Variants in CNTNAP2 observed in about 807,000 individuals in gnomAD.
The protein encoded by CNTNAP2 is contactin associated protein 2, also known as contactin-associated protein-like 2.
In CNTNAP2, 98 loss-of-function variants were observed where a neutral mutation model predicts 155.2. The ratio of observed to expected loss-of-function variants is 0.63; its 90% CI spans 0.54 to 0.75. CNTNAP2 has a LOEUF of 0.75. Ranked by LOEUF, CNTNAP2 falls within the 30% of genes least tolerant of loss-of-function variation. The probability of loss-of-function intolerance (pLI) is 0.00; values close to 1 mark genes in which losing one functional copy is unlikely to be tolerated. For synonymous variants in CNTNAP2, 651 were observed against 631.2 expected (o/e 1.03, Z -0.47); for missense variants, 1,727 against 1,688.1 (o/e 1.02, Z -0.40).
intron 12 of CNTNAP2, among the ~76,000 whole-genome samples, chr7:147,616,672 T>G (rs985630433): frequency 6.6e-6 from 1 of 152,146 alleles, no homozygotes; most frequent in Admixed American, 6.6e-5. Context: ...TCAATCATTC[T>G]CCTTCCACTT....
intron 22 of CNTNAP2, among the ~76,000 whole-genome samples, chr7:148,386,854 A>G (rs1799221590): frequency 6.6e-6 from 1 of 151,386 alleles, no homozygotes; most frequent in Non-Finnish European, 1.5e-5. Context: ...AGTTAAAGCT[A>G]GAAACTTATA....
chr7:146,628,896 G>A (rs1799464686), intron 1 of CNTNAP2, among the ~76,000 whole-genome samples: 1 of 152,000 alleles, frequency 6.6e-6, no homozygotes, highest in Non-Finnish European at 1.5e-5. Context: ...AATTAATATG[G>A]AAACTTAAAT....
chr7:148,267,290 A>G (rs766344755), intron 21 of CNTNAP2, among the ~76,000 whole-genome samples, 164 bp downstream of exon 21: 3 of 152,078 alleles, frequency 2.0e-5, no homozygotes, highest in African/African-American at 4.8e-5. Context: ...TGCACAAGCA[A>G]AGCGTCAACA....
intron 20 of CNTNAP2, 129 bp downstream of exon 20, chr7:148,229,908 A>T: frequency 2.0e-6 from 2 of 1,011,574 alleles, no homozygotes; most frequent in Non-Finnish European, 3.0e-6. Context: ...TTTCTCCTAC[A>T]AGTGCATAAC....
intron 21 of CNTNAP2, among the ~76,000 whole-genome samples, chr7:148,268,612 G>A (rs1008806878): frequency 6.6e-6 from 1 of 151,738 alleles, no homozygotes; most frequent in East Asian, 2.0e-4. Context: ...CCGAGATCAC[G>A]CCACTGCACC....
At chr7:147,740,824 A>G (rs1584931736) in intron 13 of CNTNAP2, among the ~76,000 whole-genome samples, 2 of 152,296 alleles carry the variant, frequency 1.3e-5, no homozygotes, top group East Asian at 3.9e-4. Flanking sequence ...TGCTAAGGAA[A>G]CAATGGAAGC....
intron 1 of CNTNAP2, among the ~76,000 whole-genome samples, chr7:146,129,416 T>C (rs1356934189): frequency 6.6e-6 from 1 of 152,210 alleles, no homozygotes; most frequent in African/African-American, 2.4e-5. Flanking sequence ...TTTCCACATA[T>C]GGATTTTCAA....
intron 8 of CNTNAP2, among the ~76,000 whole-genome samples, chr7:147,191,814 T>C (rs1236927653): frequency 6.6e-6 from 1 of 152,152 alleles, no homozygotes; most frequent in Non-Finnish European, 1.5e-5. Flanking sequence ...ATTTCTTAAC[T>C]CCATCTGCAT....
intron 21 of CNTNAP2, among the ~76,000 whole-genome samples, chr7:148,295,634 G>A (rs1478272651): frequency 2.9e-5 from 4 of 137,590 alleles, no homozygotes; most frequent in South Asian, 2.4e-4. Flanking sequence ...TGGGACTACC[G>A]GTGCCCGCCA....
intron 1 of CNTNAP2, among the ~76,000 whole-genome samples, chr7:146,202,179 A>G (rs1280666434): frequency 2.0e-5 from 3 of 152,134 alleles, no homozygotes; most frequent in Non-Finnish European, 4.4e-5. Context: ...GCCACAGTTG[A>G]GTTGCCATAG....
At chr7:146,481,056 CA>C (rs1440804405) in intron 1 of CNTNAP2, among the ~76,000 whole-genome samples, 1 of 151,776 alleles carries the variant, frequency 6.6e-6, no homozygotes, top group Non-Finnish European at 1.5e-5. Context: ...ATTGAGTGAC[CA>C]AAATCATATA....
chr7:147,510,686 A>G (rs1266668122), intron 11 of CNTNAP2, among the ~76,000 whole-genome samples: 3 of 151,602 alleles, frequency 2.0e-5, no homozygotes, highest in Non-Finnish European at 4.4e-5. Context: ...TTGAATTATT[A>G]TTAATTCATA....
rs187109874 is a variant in CNTNAP2 at position 147,411,357 on chromosome 7, C to T, written c.1670+15577C>T. Among the ~76,000 whole-genome samples, 452 of 152,300 alleles carry T rather than the reference C, an allele frequency of 3.0e-3. 1 individual carries two copies. The highest frequency in any genetic ancestry group is 9.8e-3 in the African/African-American group (409 of 41,558). On this transcript the variant is annotated intron_variant, in intron 10 of 23. Coordinates refer to ENST00000361727, the MANE Select transcript of CNTNAP2 (RefSeq NM_014141.6). ...TTTCTAGTAAAGTATCTGTCAGTTA[C>T]ACAACTGTGTATAATTCATCATCCT...
chr7:148,249,174 C>T (rs574174228), intron 20 of CNTNAP2, among the ~76,000 whole-genome samples: 3 of 152,284 alleles, frequency 2.0e-5, no homozygotes, highest in South Asian at 4.1e-4. Flanking sequence ...TTCCCAATCC[C>T]AGCTGGGCTG....
intron 4 of CNTNAP2, 94 bp from the exon 5 acceptor site, chr7:147,108,053 T>TA: frequency 1.8e-6 from 2 of 1,099,152 alleles, no homozygotes; most frequent in Non-Finnish European, 2.7e-6. Context: ...GAAAAACACT[T>TA]ACTTAATTCT....
chr7:146,576,697 G>A (rs1798530863), intron 1 of CNTNAP2, among the ~76,000 whole-genome samples: 2 of 152,108 alleles, frequency 1.3e-5, no homozygotes, highest in African/African-American at 2.4e-5. Context: ...TTCTGTTGAG[G>A]GAAATGAGGA....
chr7:147,336,474 C>G (rs1199805732), intron 9 of CNTNAP2, among the ~76,000 whole-genome samples: 2 of 152,080 alleles, frequency 1.3e-5, no homozygotes, highest in Non-Finnish European at 2.9e-5. Context: ...CCTTAAGACA[C>G]TTGGGGTTTG....
chr7:147,064,300 G>C (rs1434344436), intron 4 of CNTNAP2, among the ~76,000 whole-genome samples: 1 of 152,120 alleles, frequency 6.6e-6, no homozygotes, highest in Non-Finnish European at 1.5e-5. Context: ...ATGACAAATA[G>C]TTCATAAATT....
intron 3 of CNTNAP2, among the ~76,000 whole-genome samples, chr7:146,947,384 T>TTCTCTCTC (rs66835656): frequency 1.0e-4 from 13 of 128,392 alleles, no homozygotes; most frequent in African/African-American, 3.7e-4. Context: ...CCTTCTCTCT[T>TTCTCTCTC]TCTCTCTCTC....
Sources: allele counts gnomAD v4.1 joint callset (sites outside exome capture counted in the v4.1 genomes callset), GRCh38; gene constraint gnomAD v4.1.1; transcripts MANE v1.5; gene names NCBI Gene and HGNC (gene_info 2026-07-23, HGNC 2026-07-21).